Variants in GSTK1 observed in about 807,000 individuals in gnomAD.
The protein encoded by GSTK1 is GST class-kappa.
In GSTK1, 25 loss-of-function variants were observed where a neutral mutation model predicts 30.9. The ratio of observed to expected loss-of-function variants is 0.81; its 90% CI spans 0.59 to 1.13. The LOEUF is 1.13. Ranked by LOEUF, GSTK1 falls within the 50% of genes most tolerant of loss-of-function variation. The pLI is 0.00. For missense variants in GSTK1, 292 were observed against 292.4 expected, an observed-to-expected ratio of 1.00 and a Z score of 0.01; for synonymous variants, 108 against 112.5, an observed-to-expected ratio of 0.96 and a Z score of 0.25.
Position 143,269,064 on chromosome 7 carries a change from A to G in GSTK1, c.*227A>G. ...TATGCCTCACAAGTGCCTTTCAGAG[A>G]GCCCCAATTCTGCTTTCCCACAAAA... On this transcript the variant is annotated 3_prime_UTR_variant, in exon 8 of 8. Transcript: ENST00000358406. 1.7e-6 allele frequency: 1 copy of G among 572,778 alleles called. No individual in the cohort carries two copies. The highest frequency in any genetic ancestry group is 2.0e-5 in the South Asian group (1 of 50,012). 35.5% of individuals were successfully genotyped at this position (572,778 alleles called of 1,614,324 possible).
Position 143,268,637 on chromosome 7 carries a change from T to C in GSTK1, c.632-151T>C. On this transcript the variant is annotated intron_variant, in intron 7 of 7. Coordinates refer to ENST00000358406, the MANE Select transcript of GSTK1 (RefSeq NM_015917.3). This position sits in a 1 kb window ranked among gnomAD's most constrained non-coding sequence, Gnocchi z 4.1. ...TGTTCAAGGTTGAGTGGGCAGGGGC[T>C]GTCTTCAACCCCATAAAAGAAAAGG... The C allele has an allele frequency of 1.5e-6, 1 of 653,220 alleles. No homozygotes were observed. The allele number at this position is 653,220 out of a possible 1,614,324, so 40.5% of individuals were successfully genotyped here.
rs1394011858 is a variant in GSTK1 at position 143,264,165 on chromosome 7, G to A, written c.152G>A (p.Ser51Asn). ...CTCATAACAGGGATCATGAAAGACAGTGGTAGGAAGGGAGGGTCGGGGCAG... is the reference window on the plus strand; with the variant it reads ...CTCATAACAGGGATCATGAAAGACAATGGTAGGAAGGGAGGGTCGGGGCAG... ...PSLITGIMKD[S>N]GNKPPGLLPR... Residue 51 changes from serine to asparagine, a missense_variant and splice_region_variant, in exon 2 of 8, where the codon AGT (serine) becomes AAT (asparagine). Ser to Asn is a conservative substitution (Grantham distance 46). Transcript: ENST00000358406. 1 of 1,613,700 alleles carries A rather than the reference G, an allele frequency of 6.2e-7. No individual in the cohort carries two copies. The highest frequency in any genetic ancestry group is 8.5e-7 in the Non-Finnish European group (1 of 1,179,622).
chr7:143,268,216 G>A lies in GSTK1; in HGVS notation c.631+32G>A, dbSNP rs1266979349. On this transcript the variant is annotated intron_variant, in intron 7 of 7. Transcript: ENST00000358406. The surrounding 1 kb of genome is among the most constrained non-coding windows in gnomAD (Gnocchi z 4.1). ...AAGTTAAAGAATCAACCCTGAGCCA[G>A]GTGCAGTGGCTCACGCCTGTAATCC... 6.5e-7 allele frequency: 1 copy of A among 1,537,890 alleles called. No individual in the cohort carries two copies. Among genetic ancestry groups the A allele is most frequent in the Non-Finnish European group, 9.0e-7 (1 of 1,114,592 alleles).
intron 5 of GSTK1, among the ~76,000 whole-genome samples, chr7:143,266,554 A>T (rs1051678281): frequency 2.6e-4 from 40 of 151,966 alleles, no homozygotes; most frequent in Non-Finnish European, 1.9e-4. Flanking sequence ...AGTGGTTGTC[A>T]ATCTTGGCTG....
At position 143,264,662 on chromosome 7, in the gene GSTK1, T is replaced by C. The variant is rs752247699; in HGVS notation, c.269T>C (p.Val90Ala). ...CACTTCCCCAAGGATTTCTTGTCTG[T>C]GATGCTTGAAAAAGGTGAAGAGAGT... ...PIHFPKDFLS[V>A]MLEKGSLSAM... is the part of the protein sequence containing the mutation. The change falls in exon 3 of 8, where the codon GTG (valine) becomes GCG (alanine). Residue 90 changes from valine (V) to alanine (A), a missense_variant. Physicochemically the swap from Val to Ala is moderately conservative, Grantham distance 64. Transcript: ENST00000358406. 48 of 1,613,854 alleles carry C rather than the reference T, an allele frequency of 3.0e-5. No homozygotes were observed. Among genetic ancestry groups the C allele is most frequent in the African/African-American group, 4.0e-5 (3 of 74,892 alleles).
At position 143,264,541 on chromosome 7, in the gene GSTK1, C is replaced by T; in HGVS notation, c.155-7C>T. ...CTCACTTAGCGTGCCCAACCTTCTC[C>T]TGGCAGGAAACAAGCCTCCAGGTCT... On this transcript the variant is annotated splice_region_variant and splice_polypyrimidine_tract_variant and intron_variant, in intron 2 of 7. Transcript: ENST00000358406. 11 of 1,613,944 alleles carry T rather than the reference C, an allele frequency of 6.8e-6. No individual in the cohort carries two copies. Among genetic ancestry groups the T allele is most frequent in the Non-Finnish European group, 9.3e-6 (11 of 1,179,856 alleles).
At chr7:143,265,845 T>C (rs1309825762) in intron 5 of GSTK1, among the ~76,000 whole-genome samples, 4 of 151,946 alleles carry the variant, frequency 2.6e-5, no homozygotes, top group African/African-American at 9.7e-5. Context: ...GTATTATTCC[T>C]CTGGTTTACA....
In GSTK1 at chr7:143,268,997, C is replaced by T. The variant is rs751543153; in HGVS notation, c.*160C>T. ...GTCTTTCCCCTACCCCCAAGGATGC[C>T]AGGAAGACGTCCACCATTAGCCATG... On this transcript the variant is annotated 3_prime_UTR_variant, in exon 8 of 8. Coordinates refer to ENST00000358406, the MANE Select transcript of GSTK1 (RefSeq NM_015917.3). This position sits in a 1 kb window ranked among gnomAD's most constrained non-coding sequence, Gnocchi z 4.1. 45 of 675,634 alleles carry T rather than the reference C, an allele frequency of 6.7e-5. No homozygotes were observed. The highest frequency in any genetic ancestry group is 1.1e-4 in the Non-Finnish European group (41 of 377,780). 41.9% of individuals were successfully genotyped at this position (675,634 alleles called of 1,614,324 possible). A position where few individuals can be genotyped will look rare whatever the true frequency, so the allele number is the denominator to read the frequency against.
chr7:143,263,725 G>T, intron 1 of GSTK1, 140 bp downstream of exon 1: 1 of 729,294 alleles, frequency 1.4e-6, no homozygotes, highest in South Asian at 1.7e-5. Context: ...GAGCTCCGGG[G>T]CTGAAGGTCA....
At position 143,266,600 on chromosome 7, in the gene GSTK1, C is replaced by T. The variant is rs10275885; in HGVS notation, c.421-1017C>T. On this transcript the variant is annotated intron_variant, in intron 5 of 7. Coordinates refer to ENST00000358406, the MANE Select transcript of GSTK1 (RefSeq NM_015917.3). ...TCACCTGGAGCACCTTGGCGCTAAC[C>T]CTTTCCCCTGGAATTGTGATGTAAT... Among the ~76,000 whole-genome samples the T allele has an allele frequency of 4.1e-3, 617 of 151,610 alleles. 3 individuals are homozygous for T. Among genetic ancestry groups the T allele is most frequent in the African/African-American group, 0.014 (579 of 41,274 alleles).
chr7:143,265,066 G>C lies in GSTK1; in HGVS notation c.358G>C (p.Glu120Gln). 1 of 1,614,158 alleles carries C rather than the reference G, an allele frequency of 6.2e-7. No individual in the cohort carries two copies. Among genetic ancestry groups the C allele is most frequent in the South Asian group, 1.1e-5 (1 of 91,082 alleles). ...AGAGATGCTGGAGAAAGCGTCCCGG[G>C]AGCTGTGGATGCGCGTCTGGTCAAG... ...HPEMLEKASR[E>Q]LWMRVWSRNE... is the part of the protein sequence containing the mutation. The change falls in exon 4 of 8, where the codon GAG (glutamate) becomes CAG (glutamine). Residue 120 changes from glutamate to glutamine, a missense_variant. Coordinates refer to ENST00000358406, the MANE Select transcript of GSTK1 (RefSeq NM_015917.3).
Position 143,268,864 on chromosome 7 carries a change from G to T in GSTK1, c.*27G>T, listed in dbSNP as rs113263691. ...ATTGCCCGGAGGAAGCAAACTCTTC[G>T]TATAAAAAAAGCAGGCCATCTGCTT... On this transcript the variant is annotated 3_prime_UTR_variant, in exon 8 of 8. Coordinates refer to ENST00000358406, the MANE Select transcript of GSTK1 (RefSeq NM_015917.3). The surrounding 1 kb of genome is among the most constrained non-coding windows in gnomAD (Gnocchi z 4.1). The T allele has an allele frequency of 6.5e-4, 1,041 of 1,609,446 alleles. 11 individuals carry two copies. In the African/African-American group the frequency reaches 0.013, roughly 19 times the overall value.
intron 4 of GSTK1, 64 bp downstream of exon 4, chr7:143,265,156 C>G (rs1800836795): frequency 6.2e-7 from 1 of 1,612,142 alleles, no homozygotes; most frequent in Admixed American, 1.7e-5. Context: ...CTTCCCCAGG[C>G]ACGTTTTCAG....
intron 5 of GSTK1, 30 bp downstream of exon 5, chr7:143,265,326 C>T: frequency 6.4e-7 from 1 of 1,562,658 alleles, no homozygotes; most frequent in Non-Finnish European, 8.7e-7. Context: ...CCCAACTGCA[C>T]TCATAGAGAA....
At chr7:143,266,351 G>T (rs986713297) in intron 5 of GSTK1, among the ~76,000 whole-genome samples, 1 of 152,032 alleles carries the variant, frequency 6.6e-6, no homozygotes, top group Non-Finnish European at 1.5e-5. Context: ...TCTTAACTCT[G>T]AAAGTATAGT....
intron 2 of GSTK1, 140 bp downstream of exon 2, chr7:143,264,307 G>A: frequency 1.2e-6 from 1 of 816,922 alleles, no homozygotes; most frequent in Non-Finnish European, 2.0e-6. Context: ...GCCGGGCGTG[G>A]TAGTGCATGC....
rs1436072247 is a variant in GSTK1, at chr7:143,263,686, G to T, written c.72+101G>T. On this transcript the variant is annotated intron_variant, in intron 1 of 7. Coordinates refer to ENST00000358406, the MANE Select transcript of GSTK1 (RefSeq NM_015917.3). The stretch of plus-strand genomic sequence containing the variant: ...ACAGAGGTCTCGTGTAACTCCTGGC[G>T]CCGCCCAAGGGGTTAAGGCAAGCAG... The T allele has an allele frequency of 1.1e-5, 12 of 1,118,984 alleles. No homozygotes were observed. In the East Asian group the frequency reaches 2.6e-4, roughly 24 times the overall value. The allele number at this position is 1,118,984 out of a possible 1,614,324, so 69.3% of individuals were successfully genotyped here.
At chr7:143,264,477 C>T in intron 2 of GSTK1, 71 bp from the exon 3 acceptor site, 5 of 1,547,706 alleles carry the variant, frequency 3.2e-6, no homozygotes, top group Non-Finnish European at 3.5e-6. Flanking sequence ...GCCCAAAACC[C>T]ACGTCGAGGT....
In GSTK1 at chr7:143,265,057, G is replaced by A; in HGVS notation, c.349G>A (p.Ala117Thr). 6.2e-7 allele frequency: 1 copy of A among 1,614,178 alleles called. No individual in the cohort carries two copies. The highest frequency in any genetic ancestry group is 8.5e-7 in the Non-Finnish European group (1 of 1,180,026). ...GGAGCATCCAGAGATGCTGGAGAAA[G>A]CGTCCCGGGAGCTGTGGATGCGCGT... is the stretch of plus-strand genomic sequence containing the variant. ...NLEHPEMLEK[A>T]SRELWMRVWS... Residue 117 changes from alanine to threonine, a missense_variant, in exon 4 of 8, where the codon GCG (alanine) becomes ACG (threonine). Transcript: ENST00000358406.
Sources: gnomAD v4.1 joint callset for allele counts (sites outside exome capture counted in the v4.1 genomes callset) on GRCh38, gnomAD v4.1.1 for gene constraint, Gnocchi (gnomAD v3.1) non-coding constraint, MANE v1.5 for transcripts, NCBI Gene and HGNC (gene_info 2026-07-23, HGNC 2026-07-21) for gene names.